Variants in TMBIM6 observed in about 807,000 individuals in gnomAD.
TMBIM6 encodes the protein bax inhibitor 1.
TMBIM6 carries 13 observed loss-of-function variants against 31.4 expected under a neutral mutation model. The observed-to-expected ratio is 0.41, with a 90% CI of 0.27 to 0.66. The LOEUF (loss-of-function observed/expected upper bound fraction) is 0.66. Among genes scored for constraint, TMBIM6 ranks in the 30% least tolerant of loss-of-function variants. The pLI is 0.28. For synonymous variants in TMBIM6, 85 were observed against 101.7 expected (o/e 0.84, Z 0.99); for missense variants, 275 against 289.5 (o/e 0.95, Z 0.36).
At chr12:49,751,947 G>C (rs1393266667) in intron 1 of TMBIM6, among the ~76,000 whole-genome samples, 2 of 151,846 alleles carry the variant, frequency 1.3e-5, no homozygotes, top group East Asian at 3.9e-4. Flanking sequence ...ATTTTTAGTA[G>C]AGACAGGGTT....
chr12:49,742,462 G>A (rs2136921097), intron 1 of TMBIM6: 1 of 788,404 alleles, frequency 1.3e-6, no homozygotes, highest in South Asian at 2.4e-5. Context: ...GCCAGCCCGG[G>A]CTGCTTGGGG....
At chr12:49,745,724 C>CAAAAAAAAAAAAAAAAAAAA (rs761232522) in intron 1 of TMBIM6, among the ~76,000 whole-genome samples, 1 of 114,122 alleles carries the variant, frequency 8.8e-6, no homozygotes, top group African/African-American at 4.4e-5. Flanking sequence ...GACTCTGTCT[C>CAAAAAAAAAAAAAAAAAAAA]AAAAAAAAAA....
chr12:49,761,959 A>G (rs1020383030), intron 9 of TMBIM6, 180 bp downstream of exon 9: 14 of 574,246 alleles, frequency 2.4e-5, no homozygotes, highest in South Asian at 1.1e-4. Flanking sequence ...GCAGCAAGTG[A>G]AAAAAAAATT....
At chr12:49,742,354 T>TG (rs1945312839) in intron 1 of TMBIM6, 2 of 1,499,320 alleles carry the variant, frequency 1.3e-6, no homozygotes, top group African/African-American at 1.4e-5. Flanking sequence ...AAGGGCGTCG[T>TG]TGGGCAGTTT....
At chr12:49,746,299 G>A (rs865938024) in intron 1 of TMBIM6, among the ~76,000 whole-genome samples, 72 of 151,946 alleles carry the variant, frequency 4.7e-4, no homozygotes, top group African/African-American at 1.6e-3. Context: ...GGCTGGGCTG[G>A]TCTCGAACTC....
At chr12:49,753,164 CTG>C in intron 3 of TMBIM6, 83 bp downstream of exon 3, 1 of 957,788 alleles carries the variant, frequency 1.0e-6, no homozygotes, top group Non-Finnish European at 1.6e-6. Context: ...CCAAGGGACC[CTG>C]TTCCTCTCTT....
intron 8 of TMBIM6, among the ~76,000 whole-genome samples, chr12:49,759,940 G>A (rs979216677): frequency 5.9e-5 from 9 of 151,520 alleles, no homozygotes; most frequent in African/African-American, 1.9e-4. Context: ...GTGAAACCCT[G>A]TCTCTACTAA....
intron 3 of TMBIM6, 65 bp from the exon 4 acceptor site, chr12:49,755,570 G>T: frequency 1.3e-6 from 2 of 1,593,492 alleles, no homozygotes; most frequent in African/African-American, 1.3e-5. Context: ...CCCAATAAAG[G>T]TCTCTTGCAA....
chr12:49,753,592 A>G (rs1336875955), intron 3 of TMBIM6, among the ~76,000 whole-genome samples: 1 of 152,228 alleles, frequency 6.6e-6, no homozygotes, highest in Non-Finnish European at 1.5e-5. Flanking sequence ...TAGAAGGTAC[A>G]GTTTGAGGAA....
chr12:49,747,135 G>A (rs926606490), intron 1 of TMBIM6, among the ~76,000 whole-genome samples: 3 of 152,082 alleles, frequency 2.0e-5, no homozygotes, highest in Non-Finnish European at 4.4e-5. Context: ...ACCGTGCCCA[G>A]CCCTTTCCCC....
intron 4 of TMBIM6, among the ~76,000 whole-genome samples, chr12:49,757,543 G>A (rs879324877): frequency 6.6e-6 from 1 of 152,192 alleles, no homozygotes; most frequent in Non-Finnish European, 1.5e-5. Flanking sequence ...CTCAAGCTAT[G>A]TAATAAAAAT....
rs1280836468 is a variant in TMBIM6 at position 49,764,716 on chromosome 12, A to AAG, written c.*1821_*1822insGA. ...GCCAAGAATGACAAGATATTAAAAA[A>AAG]AAAAAAGAAAGAAAAAAAAAAAAAC... On this transcript the variant is annotated 3_prime_UTR_variant, in exon 10 of 10. Coordinates refer to ENST00000267115, the MANE Select transcript of TMBIM6 (RefSeq NM_003217.3). 45 of 140,936 alleles carry AAG rather than the reference A, an allele frequency of 3.2e-4. No individual in the cohort carries two copies. The highest frequency in any genetic ancestry group is 1.4e-3 in the African/African-American group (44 of 31,756). 8.7% of individuals were successfully genotyped at this position (140,936 alleles called of 1,614,324 possible). A position where few individuals can be genotyped will look rare whatever the true frequency, so the allele number is the denominator to read the frequency against.
chr12:49,756,863 A>C (rs1945608714), intron 4 of TMBIM6, among the ~76,000 whole-genome samples: 1 of 151,790 alleles, frequency 6.6e-6, no homozygotes. Context: ...CAGCCTCCCG[A>C]ATAGCTGGGA....
intron 1 of TMBIM6, among the ~76,000 whole-genome samples, chr12:49,745,724 C>CAAAAAAAAAAA (rs761232522): frequency 8.8e-6 from 1 of 114,128 alleles, no homozygotes; most frequent in African/African-American, 4.4e-5. Context: ...GACTCTGTCT[C>CAAAAAAAAAAA]AAAAAAAAAA....
rs747039711 is a variant in TMBIM6, at chr12:49,758,711, G to C, written c.462G>C (p.Leu154Phe). 5 of 1,613,896 alleles carry C rather than the reference G, an allele frequency of 3.1e-6. No individual in the cohort carries two copies. In the Middle Eastern group the frequency reaches 4.9e-4, roughly 160 times the overall value. The change falls in exon 7 of 10, where the codon TTG becomes TTC. Residue 154 changes from leucine (L) to phenylalanine (F), a missense_variant. Physicochemically the swap from Leu to Phe is conservative, Grantham distance 22 (BLOSUM62 0). Coordinates refer to ENST00000267115, the MANE Select transcript of TMBIM6 (RefSeq NM_003217.3). ...TCTTGATGTCAGCCCTGAGCTTGTT[G>C]CTTTTGTCTTCCCTGGGGAATGTTT... is the stretch of plus-strand genomic sequence containing the variant. ...GGILMSALSL[L>F]LLSSLGNVFF...
chr12:49,742,108 G>A (rs924768310), intron 1 of TMBIM6: 2 of 1,603,732 alleles, frequency 1.2e-6, no homozygotes, highest in Admixed American at 1.7e-5. Context: ...CCGGAGCCAA[G>A]ACTCGAGGTA....
chr12:49,759,218 T>C lies in TMBIM6; in HGVS notation c.514-3T>C. 6.2e-7 allele frequency: 1 copy of C among 1,613,840 alleles called. No individual in the cohort carries two copies. Among genetic ancestry groups the C allele is most frequent in the Non-Finnish European group, 8.5e-7 (1 of 1,179,756 alleles). On this transcript the variant is annotated splice_region_variant and splice_polypyrimidine_tract_variant and intron_variant, in intron 7 of 9. Transcript: ENST00000267115. ...TAGTAACTTCATCTCTTACATTTGT[T>C]AGGCAAACCTGTATGTGGGACTGGT...
Position 49,758,730 on chromosome 12 carries a change from A to G in TMBIM6, c.481A>G (p.Asn161Asp). Residue 161 changes from asparagine to aspartate, a missense_variant, in exon 7 of 10, where the codon AAT becomes GAT. By Grantham distance (23) the Asn-to-Asp change is conservative (BLOSUM62 1). Transcript: ENST00000267115. Reference sequence around the variant, plus strand: ...CTTGTTGCTTTTGTCTTCCCTGGGGAATGTTTTCTTTGGATCCATTTGGCT... The same window carrying G: ...CTTGTTGCTTTTGTCTTCCCTGGGGGATGTTTTCTTTGGATCCATTTGGCT... ...LSLLLLSSLG[N>D]VFFGSIWLFQ... The G allele has an allele frequency of 6.2e-7, 1 of 1,612,974 alleles. No individual in the cohort carries two copies. Among genetic ancestry groups the G allele is most frequent in the Non-Finnish European group, 8.5e-7 (1 of 1,179,912 alleles).
chr12:49,756,974 C>T (rs371171423), intron 4 of TMBIM6, among the ~76,000 whole-genome samples: 24 of 151,072 alleles, frequency 1.6e-4, no homozygotes, highest in African/African-American at 5.3e-4. Flanking sequence ...CCTCGTGATC[C>T]GCCCACCTCG....
Sources: allele counts gnomAD v4.1 joint callset (sites outside exome capture counted in the v4.1 genomes callset), GRCh38; gene constraint gnomAD v4.1.1; transcripts MANE v1.5; gene names NCBI Gene and HGNC (gene_info 2026-07-23, HGNC 2026-07-21).